The following ALDH7A1 variants were observed in gnomAD, a reference collection of about 807,000 sequenced individuals.
The protein encoded by ALDH7A1 is aldehyde dehydrogenase 7 family member A1, also known as alpha-aminoadipic semialdehyde dehydrogenase.
Under a neutral mutation model 79.9 loss-of-function variants are expected in ALDH7A1, and 63 were observed. The ratio of observed to expected loss-of-function variants is 0.79; its 90% CI spans 0.64 to 0.97. ALDH7A1 has a LOEUF of 0.97. Ranked by LOEUF, ALDH7A1 falls within the 50% of genes least tolerant of loss-of-function variation. ALDH7A1 has a pLI of 0.00. For synonymous variants in ALDH7A1, 240 were observed against 231.2 expected (o/e 1.04, Z -0.34); for missense variants, 627 against 665.2 (o/e 0.94, Z 0.63).
Position 126,546,328 on chromosome 5 carries a change from T to G in ALDH7A1, c.1561A>C (p.Thr521Pro), listed in dbSNP as rs755930241. Reference sequence around the variant, plus strand: ...CTTCCCAAAGCCTTTTCTTACCAAGTAGACCTTCTCATGTACTGTTTCCAG... The same window carrying G: ...CTTCCCAAAGCCTTTTCTTACCAAGGAGACCTTCTCATGTACTGTTTCCAG... ...DAWKQYMRRS[T>P]CTINYSKDLP... Residue 521 changes from threonine to proline, a missense_variant, in exon 17 of 18, where the codon ACT becomes CCT. Coordinates refer to ENST00000409134, the MANE Select transcript of ALDH7A1 (RefSeq NM_001182.5). The G allele has an allele frequency of 6.2e-7, 1 of 1,614,178 alleles. No individual in the cohort carries two copies. Among genetic ancestry groups the G allele is most frequent in the South Asian group, 1.1e-5 (1 of 91,086 alleles).
chr5:126,554,658 C>A, intron 12 of ALDH7A1: 1 of 463,738 alleles, frequency 2.2e-6, no homozygotes. Context: ...GGGTATGTGC[C>A]GAGAAACTTT....
At chr5:126,585,751 T>G (rs1053245823) in intron 3 of ALDH7A1, among the ~76,000 whole-genome samples, 1 of 151,998 alleles carries the variant, frequency 6.6e-6, no homozygotes, top group African/African-American at 2.4e-5. Context: ...TTAGCAGAGA[T>G]GGGGTTTCAC....
intron 9 of ALDH7A1, among the ~76,000 whole-genome samples, chr5:126,565,636 T>C (rs1436817613): frequency 1.3e-5 from 2 of 152,172 alleles, no homozygotes; most frequent in South Asian, 4.1e-4. Context: ...GTCTTTTAAT[T>C]GTTGTTGCTT....
At chr5:126,574,382 G>A (rs1301040411) in intron 7 of ALDH7A1, among the ~76,000 whole-genome samples, 1 of 150,286 alleles carries the variant, frequency 6.7e-6, no homozygotes, top group Non-Finnish European at 1.5e-5. Flanking sequence ...CCTGGCGACA[G>A]AGCAAGACTC....
chr5:126,565,388 C>T, intron 9 of ALDH7A1, among the ~76,000 whole-genome samples: 1 of 91,612 alleles, frequency 1.1e-5, no homozygotes, highest in Non-Finnish European at 2.0e-5. Flanking sequence ...GCGTGAGATT[C>T]CATCTCAAAA....
chr5:126,545,701 G>A (rs576746003), intron 17 of ALDH7A1, among the ~76,000 whole-genome samples: 203 of 150,982 alleles, frequency 1.3e-3, no homozygotes, highest in African/African-American at 4.6e-3. Context: ...CAGGAGAATC[G>A]CTGGAATCTG....
Position 126,559,272 on chromosome 5 carries a change from C to G in ALDH7A1, c.976G>C (p.Ala326Pro). Reference sequence around the variant, plus strand: ...CTCGCAGTGGTACACCTCTGGCCAGCTGTTCCCACAGCAGCGAAGAGAGCT... The same window carrying G: ...CTCGCAGTGGTACACCTCTGGCCAGGTGTTCCCACAGCAGCGAAGAGAGCT... ...PSALFAAVGTAGQRCTTARRL... is the reference protein window; with the variant it reads ...PSALFAAVGTPGQRCTTARRL... The change falls in exon 11 of 18, where the codon GCT becomes CCT. Residue 326 changes from alanine (A) to proline (P), a missense_variant. Coordinates refer to ENST00000409134, the MANE Select transcript of ALDH7A1 (RefSeq NM_001182.5). 3 of 1,613,972 alleles carry G rather than the reference C, an allele frequency of 1.9e-6. No homozygotes were observed. Among genetic ancestry groups the G allele is most frequent in the South Asian group, 2.2e-5 (2 of 91,070 alleles).
chr5:126,581,922 G>A, intron 5 of ALDH7A1: 1 of 335,716 alleles, frequency 3.0e-6, no homozygotes, highest in South Asian at 1.6e-4. Context: ...AGGTTGCAGT[G>A]AGCCAAGATC....
rs562156887 is a variant in ALDH7A1, at chr5:126,568,471, A to G, written c.774-115T>C. 5.3e-4 allele frequency: 488 copies of G among 914,298 alleles called. 2 individuals carry two copies. The highest frequency in any genetic ancestry group is 3.3e-3 in the South Asian group (246 of 75,494). 56.6% of individuals were successfully genotyped at this position (914,298 alleles called of 1,614,324 possible). Reference sequence around the variant, plus strand: ...AAAAGCAGTCCCTTGAAGCTACAAGAAAGTCTGTCCCAGGGGAGCAAGGGA... The same window carrying G: ...AAAAGCAGTCCCTTGAAGCTACAAGGAAGTCTGTCCCAGGGGAGCAAGGGA... On this transcript the variant is annotated intron_variant, in intron 8 of 17. Transcript: ENST00000409134.
intron 10 of ALDH7A1, among the ~76,000 whole-genome samples, chr5:126,560,240 G>A (rs111408205): frequency 4.6e-5 from 7 of 152,208 alleles, no homozygotes; most frequent in Non-Finnish European, 1.0e-4. Context: ...GGGAGGCCAA[G>A]GCAGGCGGAT....
intron 10 of ALDH7A1, 57 bp from the exon 11 acceptor site, chr5:126,559,391 G>T: frequency 7.7e-6 from 9 of 1,168,100 alleles, no homozygotes; most frequent in African/African-American, 1.5e-5. Context: ...CAAGGTATTT[G>T]TTAGCTGGTA....
At chr5:126,590,235 G>A (rs1035651249) in intron 3 of ALDH7A1, among the ~76,000 whole-genome samples, 13 of 151,300 alleles carry the variant, frequency 8.6e-5, no homozygotes, top group African/African-American at 2.9e-4. Context: ...CTGCCCGGCC[G>A]CTGCCCTGTC....
rs148525366 is a variant in ALDH7A1, at chr5:126,568,254, C to T, written c.871+5G>A. ...TAAAATCCTCATTAGAAAGCCAACA[C>T]TTACCAAACCTCTCCTGCACCATCA... is the stretch of plus-strand genomic sequence containing the variant. On this transcript the variant is annotated splice_donor_5th_base_variant and intron_variant, in intron 9 of 17. Transcript: ENST00000409134. 6 of 1,614,022 alleles carry T rather than the reference C, an allele frequency of 3.7e-6. No homozygotes were observed. The East Asian group carries it at 1.3e-4, about 36-fold the overall frequency.
At chr5:126,545,517 C>A (rs1475086845) in intron 17 of ALDH7A1, among the ~76,000 whole-genome samples, 2 of 148,170 alleles carry the variant, frequency 1.3e-5, no homozygotes, top group Non-Finnish European at 3.0e-5. Flanking sequence ...CCTGCCTCAG[C>A]CTCCTGAACT....
intron 11 of ALDH7A1, among the ~76,000 whole-genome samples, chr5:126,556,216 T>C (rs1441871584): frequency 1.4e-5 from 2 of 147,800 alleles, no homozygotes; most frequent in Admixed American, 6.8e-5. Context: ...AGGTAGATAA[T>C]AGAATAAAAT....
intron 5 of ALDH7A1, among the ~76,000 whole-genome samples, chr5:126,579,787 G>A (rs1047252229): frequency 7.9e-5 from 12 of 152,042 alleles, no homozygotes; most frequent in East Asian, 7.7e-4. Flanking sequence ...GTGCAACCTC[G>A]TCTCTACAAG....
At chr5:126,593,167 C>G (rs1319369071) in intron 2 of ALDH7A1, among the ~76,000 whole-genome samples, 184 bp downstream of exon 2, 1 of 152,142 alleles carries the variant, frequency 6.6e-6, no homozygotes, top group Non-Finnish European at 1.5e-5. Context: ...AGGACAGTCT[C>G]CCCCAGACAG....
intron 9 of ALDH7A1, among the ~76,000 whole-genome samples, chr5:126,563,795 A>ATTT (rs71573960): frequency 6.7e-6 from 1 of 149,892 alleles, no homozygotes; most frequent in Admixed American, 6.7e-5. Flanking sequence ...CCGGCCCACC[A>ATTT]TTTTTTTTTC....
chr5:126,548,142 T>C (rs969553679), intron 16 of ALDH7A1, among the ~76,000 whole-genome samples: 1 of 152,138 alleles, frequency 6.6e-6, no homozygotes, highest in African/African-American at 2.4e-5. Flanking sequence ...TATAAGACTT[T>C]TTTAAAACTT....
Sources: gnomAD v4.1 joint callset for allele counts (sites outside exome capture counted in the v4.1 genomes callset) on GRCh38, gnomAD v4.1.1 for gene constraint, MANE v1.5 for transcripts, NCBI Gene and HGNC (gene_info 2026-07-23, HGNC 2026-07-21) for gene names.